The following SYT6 variants were observed in gnomAD, a reference collection of about 807,000 sequenced individuals.
SYT6 encodes synaptotagmin 6, also known as synaptotagmin-6.
In SYT6, 24 loss-of-function variants were observed where a neutral mutation model predicts 38.4. The ratio of observed to expected loss-of-function variants is 0.62; its 90% CI spans 0.45 to 0.88. The LOEUF is 0.88. Ranked by LOEUF, SYT6 falls within the 40% of genes least tolerant of loss-of-function variation. The pLI is 0.00. For missense variants in SYT6, 611 were observed against 621.0 expected, an observed-to-expected ratio of 0.98 and a Z score of 0.17; for synonymous variants, 265 against 241.9, an observed-to-expected ratio of 1.10 and a Z score of -0.89.
chr1:114,131,391 T>G (rs1241081731), intron 3 of SYT6, among the ~76,000 whole-genome samples: 1 of 152,216 alleles, frequency 6.6e-6, no homozygotes, highest in African/African-American at 2.4e-5. Context: ...GTCATCAACA[T>G]AGCCTGGCCT....
At chr1:114,100,349 C>T (rs1051079530) in intron 4 of SYT6, among the ~76,000 whole-genome samples, 6 of 152,170 alleles carry the variant, frequency 3.9e-5, no homozygotes, top group Non-Finnish European at 7.3e-5. Flanking sequence ...AGCAGCTGCT[C>T]CCCAGCTCTG....
intron 4 of SYT6, among the ~76,000 whole-genome samples, chr1:114,103,365 A>G (rs555632332): frequency 4.4e-3 from 672 of 152,240 alleles, no homozygotes; most frequent in Middle Eastern, 0.027. Context: ...GAATTAACTC[A>G]TTTCTCCTGA....
At chr1:114,118,324 G>T (rs897583614) in intron 3 of SYT6, among the ~76,000 whole-genome samples, 5 of 152,224 alleles carry the variant, frequency 3.3e-5, no homozygotes, top group Non-Finnish European at 7.3e-5. Flanking sequence ...GTAAGCAGGT[G>T]ACACTAATAG....
chr1:114,117,894 C>T lies in SYT6; in HGVS notation c.1072-14173G>A, dbSNP rs143455576. Among the ~76,000 whole-genome samples, 708 of 152,304 alleles carry T rather than the reference C, an allele frequency of 4.6e-3. 5 individuals carry two copies. Among genetic ancestry groups the T allele is most frequent in the African/African-American group, 0.016 (669 of 41,566 alleles). Reference sequence around the variant, plus strand: ...CTCCTCATTAGTAAAATAGGGTGAACCGTGAAGCCCAATGAGTGTATGCAC... The same window carrying T: ...CTCCTCATTAGTAAAATAGGGTGAATCGTGAAGCCCAATGAGTGTATGCAC... On this transcript the variant is annotated intron_variant, in intron 3 of 7. Transcript: ENST00000610222.
intron 1 of SYT6, among the ~76,000 whole-genome samples, chr1:114,144,664 T>C (rs1393970605): frequency 6.6e-6 from 1 of 152,216 alleles, no homozygotes; most frequent in Non-Finnish European, 1.5e-5. Flanking sequence ...CAACATTTAC[T>C]GAGTACTTGC....
chr1:114,120,919 G>T (rs1163813517), intron 3 of SYT6, among the ~76,000 whole-genome samples: 1 of 152,230 alleles, frequency 6.6e-6, no homozygotes, highest in Non-Finnish European at 1.5e-5. Flanking sequence ...AGGAGCTGCT[G>T]ATGCTGCCCT....
chr1:114,116,956 T>A (rs963467785), intron 3 of SYT6, among the ~76,000 whole-genome samples: 4 of 152,214 alleles, frequency 2.6e-5, no homozygotes, highest in Non-Finnish European at 1.5e-5. Flanking sequence ...GGCCTCATGT[T>A]TTAGGCATTT....
At chr1:114,146,065 C>T (rs1026783586) in intron 1 of SYT6, among the ~76,000 whole-genome samples, 2 of 152,094 alleles carry the variant, frequency 1.3e-5, no homozygotes, top group African/African-American at 2.4e-5. Flanking sequence ...ACCAGGAGGC[C>T]CGTCCTATGC....
In SYT6 at chr1:114,099,078, T is replaced by G; in HGVS notation, c.1364+16A>C. 6.2e-7 allele frequency: 1 copy of G among 1,605,480 alleles called. No homozygotes were observed. The highest frequency in any genetic ancestry group is 8.5e-7 in the Non-Finnish European group (1 of 1,175,236). On this transcript the variant is annotated intron_variant, in intron 5 of 7. Coordinates refer to ENST00000610222, the MANE Select transcript of SYT6 (RefSeq NM_001253772.2). ...AGTGAGGGGTAGAATTACGTCCCTC[T>G]AGGACGCCTACCTACCGATCATAGT...
At chr1:114,152,800 G>T (rs1679514624) in intron 1 of SYT6, 1 of 152,198 alleles carries the variant, frequency 6.6e-6, no homozygotes, top group Non-Finnish European at 1.5e-5. Context: ...TCGGGCTCCC[G>T]CCTCGGCTAG....
chr1:114,139,993 G>T, intron 1 of SYT6, 30 bp from the exon 2 acceptor site: 1 of 1,341,800 alleles, frequency 7.5e-7, no homozygotes, highest in Non-Finnish European at 1.0e-6. Context: ...GGCAGGGAGG[G>T]ACAGACAGAC....
At chr1:114,129,643 CTTTCTTTCTT>C (rs1465587572) in intron 3 of SYT6, among the ~76,000 whole-genome samples, 37 of 67,190 alleles carry the variant, frequency 5.5e-4, no homozygotes, top group Non-Finnish European at 1.0e-3. Context: ...CTTTCTTTCT[CTTTCTTTCTT>C]TTTCTTTCTT....
intron 3 of SYT6, among the ~76,000 whole-genome samples, chr1:114,125,005 C>G (rs1393419508): frequency 6.6e-6 from 1 of 152,164 alleles, no homozygotes; most frequent in African/African-American, 2.4e-5. Flanking sequence ...TGGTGGACAC[C>G]CTGCTTAACG....
intron 1 of SYT6, among the ~76,000 whole-genome samples, chr1:114,141,622 C>A (rs1678872010): frequency 6.6e-6 from 1 of 152,164 alleles, no homozygotes; most frequent in African/African-American, 2.4e-5. Context: ...ATGAAGGTGA[C>A]TACACTAAAC....
In SYT6 at chr1:114,125,207, C is replaced by T. The variant is rs74112942; in HGVS notation, c.1071+12288G>A. On this transcript the variant is annotated intron_variant, in intron 3 of 7. Coordinates refer to ENST00000610222, the MANE Select transcript of SYT6 (RefSeq NM_001253772.2). ...AACTCCAAGTTGTGTCAAATCCAGA[C>T]GATCAGCAGGGTAGGACTCTAAAAT... 9.3e-3 allele frequency among the ~76,000 whole-genome samples: 1,413 copies of T among 152,292 alleles called. 25 individuals carry two copies. Among genetic ancestry groups the T allele is most frequent in the African/African-American group, 0.031 (1,305 of 41,566 alleles).
chr1:114,145,178 A>T (rs1202123658), intron 1 of SYT6, among the ~76,000 whole-genome samples: 2 of 152,256 alleles, frequency 1.3e-5, no homozygotes, highest in African/African-American at 2.4e-5. Flanking sequence ...TCTTTAAAAG[A>T]AATCAAATTT....
chr1:114,096,771 A>G (rs1675664810), intron 6 of SYT6, among the ~76,000 whole-genome samples: 1 of 152,198 alleles, frequency 6.6e-6, no homozygotes, highest in Non-Finnish European at 1.5e-5. Context: ...TTTATTTTGT[A>G]TTAGTAGAAT....
chr1:114,140,393 G>A (rs1412405449), intron 1 of SYT6, among the ~76,000 whole-genome samples: 1 of 152,150 alleles, frequency 6.6e-6, no homozygotes, highest in Non-Finnish European at 1.5e-5. Flanking sequence ...ACTATGGCCA[G>A]ACTTAGAGTC....
chr1:114,092,503 A>G (rs184990026), intron 7 of SYT6, among the ~76,000 whole-genome samples: 111 of 152,296 alleles, frequency 7.3e-4, no homozygotes, highest in African/African-American at 2.6e-3. Context: ...GTCATGCATT[A>G]TTAGCAATTT....
Sources: allele counts gnomAD v4.1 joint callset (sites outside exome capture counted in the v4.1 genomes callset), GRCh38; gene constraint gnomAD v4.1.1; transcripts MANE v1.5; gene names NCBI Gene and HGNC (gene_info 2026-07-23, HGNC 2026-07-21).